POU2F1: variants seen among roughly 807,000 people sequenced by gnomAD.
The protein encoded by POU2F1 is POU class 2 homeobox 1.
Under a neutral mutation model 84.9 loss-of-function variants are expected in POU2F1, and 16 were observed. The observed-to-expected ratio is 0.19, with a 90% CI of 0.13 to 0.29. The LOEUF (loss-of-function observed/expected upper bound fraction) is 0.29, where lower values mean the gene tolerates loss of function less well. POU2F1 is among the 10% of genes least tolerant of loss of function. The pLI, the probability that POU2F1 is intolerant of heterozygous loss-of-function variation, is 1.00. For synonymous variants in POU2F1, 368 were observed against 368.3 expected (o/e 1.00, Z 0.01); for missense variants, 738 against 942.6 (o/e 0.78, Z 2.84).
chr1:167,336,777 C>G (rs1657483837), intron 2 of POU2F1, among the ~76,000 whole-genome samples: 1 of 152,090 alleles, frequency 6.6e-6, no homozygotes, highest in African/African-American at 2.4e-5. Context: ...GCCTGTAATC[C>G]CAGCACTTTG....
chr1:167,383,631 T>G, intron 7 of POU2F1: 1 of 385,630 alleles, frequency 2.6e-6, no homozygotes, highest in Non-Finnish European at 4.7e-6. Flanking sequence ...CTTATTCAGA[T>G]TATGCCAAAG....
chr1:167,354,318 G>A (rs1658792397), intron 2 of POU2F1, among the ~76,000 whole-genome samples: 1 of 151,922 alleles, frequency 6.6e-6, no homozygotes, highest in South Asian at 2.1e-4. Context: ...TTTTGACAGA[G>A]TCTCACTCTG....
At chr1:167,374,082 C>T in intron 5 of POU2F1, 26 bp from the exon 6 acceptor site, 1 of 1,610,750 alleles carries the variant, frequency 6.2e-7, no homozygotes, top group Non-Finnish European at 8.5e-7. Context: ...CAACACTTTC[C>T]CATAATGTGT....
chr1:167,360,552 G>A (rs1659290253), intron 2 of POU2F1, among the ~76,000 whole-genome samples: 1 of 152,128 alleles, frequency 6.6e-6, no homozygotes, highest in South Asian at 2.1e-4. Context: ...ATTGGTCTGT[G>A]TATCTATTTT....
intron 2 of POU2F1, among the ~76,000 whole-genome samples, chr1:167,334,269 T>C (rs1482940846): frequency 1.3e-5 from 2 of 148,880 alleles, no homozygotes; most frequent in African/African-American, 4.9e-5. Flanking sequence ...CAAGCGATTC[T>C]CCTGCCTCAG....
At chr1:167,239,767 A>G (rs558717107) in intron 1 of POU2F1, among the ~76,000 whole-genome samples, 4 of 152,166 alleles carry the variant, frequency 2.6e-5, no homozygotes, top group African/African-American at 9.7e-5. Flanking sequence ...TGGTGTTGGG[A>G]CAGTTGGCCG....
intron 13 of POU2F1, among the ~76,000 whole-genome samples, chr1:167,403,265 C>T (rs993244574): frequency 2.0e-4 from 30 of 152,024 alleles, no homozygotes; most frequent in African/African-American, 7.2e-4. Context: ...TTTATATGTA[C>T]ATGTATGTAC....
chr1:167,337,704 A>G (rs996011907), intron 2 of POU2F1, among the ~76,000 whole-genome samples: 1 of 152,042 alleles, frequency 6.6e-6, no homozygotes, highest in South Asian at 2.1e-4. Context: ...AAAAAAAAAA[A>G]AAGATAAGAC....
At chr1:167,388,550 A>T (rs1648154354) in intron 8 of POU2F1, among the ~76,000 whole-genome samples, 1 of 152,230 alleles carries the variant, frequency 6.6e-6, no homozygotes, top group South Asian at 2.1e-4. Context: ...AGAACTGGTT[A>T]AGTAAATTAT....
At chr1:167,307,956 A>G (rs1655195837) in intron 1 of POU2F1, among the ~76,000 whole-genome samples, 1 of 152,078 alleles carries the variant, frequency 6.6e-6, no homozygotes, top group African/African-American at 2.4e-5. Flanking sequence ...GGTTTACCTC[A>G]TGGTTCCGCA....
intron 9 of POU2F1, 146 bp from the exon 10 acceptor site, chr1:167,396,140 G>A (rs1331230171): frequency 2.2e-6 from 2 of 909,210 alleles, no homozygotes; most frequent in African/African-American, 3.3e-5. Context: ...TAGGGATGGA[G>A]TTTATGTGGG....
chr1:167,423,984 G>C lies in POU2F1; in HGVS notation c.*8174G>C, dbSNP rs1322237818. 1 of 152,238 alleles carries C rather than the reference G, an allele frequency of 6.6e-6. No individual in the cohort carries two copies. The highest frequency in any genetic ancestry group is 2.4e-5 in the African/African-American group (1 of 41,458). The allele number at this position is 152,238 out of a possible 1,614,324, so 9.4% of individuals were successfully genotyped here. ...CAGAGCCAAGTAGAGAAAAGACTTT[G>C]TGCTCCCACCCAGCCTTAATGAGTC... On this transcript the variant is annotated 3_prime_UTR_variant, in exon 16 of 16. Transcript: ENST00000367866.
rs116335814 is a variant in POU2F1, at chr1:167,255,735, A to C, written c.61+34777A>C. Among the ~76,000 whole-genome samples the C allele has an allele frequency of 3.8e-3, 580 of 152,288 alleles. 3 individuals are homozygous for C. The highest frequency in any genetic ancestry group is 0.013 in the African/African-American group (558 of 41,548). ...GGAAAAAAGAACCATAAGGAGGTGGAATCTTTGAGAATCGGTGACTGACTG... is the reference window on the plus strand; with the variant it reads ...GGAAAAAAGAACCATAAGGAGGTGGCATCTTTGAGAATCGGTGACTGACTG... On this transcript the variant is annotated intron_variant, in intron 1 of 15. Transcript: ENST00000367866.
chr1:167,359,854 T>G (rs562418866), intron 2 of POU2F1, among the ~76,000 whole-genome samples: 45 of 151,690 alleles, frequency 3.0e-4, no homozygotes, highest in African/African-American at 1.0e-3. Context: ...GGGTTTGTTT[T>G]TTTTTTTTTT....
intron 1 of POU2F1, among the ~76,000 whole-genome samples, chr1:167,308,842 T>C (rs1382446469): frequency 6.6e-6 from 1 of 152,186 alleles, no homozygotes; most frequent in Non-Finnish European, 1.5e-5. Flanking sequence ...TGACTGAACT[T>C]ATTACTGTGA....
intron 1 of POU2F1, among the ~76,000 whole-genome samples, chr1:167,231,617 C>T (rs1244485720): frequency 4.6e-5 from 7 of 152,174 alleles, no homozygotes; most frequent in Non-Finnish European, 7.3e-5. Context: ...GTACTGAGCA[C>T]TGGTGGTAGA....
intron 9 of POU2F1, among the ~76,000 whole-genome samples, chr1:167,392,787 C>T (rs914424726): frequency 5.9e-5 from 9 of 152,180 alleles, no homozygotes; most frequent in Non-Finnish European, 1.3e-4. Flanking sequence ...GGTTAAAGTA[C>T]ATACTACTGC....
chr1:167,367,509 A>C (rs1241308073), intron 3 of POU2F1, among the ~76,000 whole-genome samples: 1 of 152,166 alleles, frequency 6.6e-6, no homozygotes, highest in African/African-American at 2.4e-5. Context: ...TCTCAGGGTG[A>C]TTTTTGAGCT....
At chr1:167,224,236 CAT>C (rs1392445681) in intron 1 of POU2F1, among the ~76,000 whole-genome samples, 1 of 152,134 alleles carries the variant, frequency 6.6e-6, no homozygotes, top group African/African-American at 2.4e-5. Context: ...AGAAGTGACC[CAT>C]ATAAATGTTT....
Sources: allele counts gnomAD v4.1 joint callset (sites outside exome capture counted in the v4.1 genomes callset), GRCh38; gene constraint gnomAD v4.1.1; transcripts MANE v1.5; gene names NCBI Gene and HGNC (gene_info 2026-07-23, HGNC 2026-07-21).